The following SPATA16 variants were observed in gnomAD, a reference collection of about 807,000 sequenced individuals.
SPATA16 encodes spermatogenesis associated 16.
In SPATA16, 36 loss-of-function variants were observed where a neutral mutation model predicts 63.3. The observed-to-expected ratio is 0.57, with a 90% CI of 0.44 to 0.75. The LOEUF is 0.75. Among genes scored for constraint, SPATA16 ranks in the 30% least tolerant of loss-of-function variants. The pLI, the probability that SPATA16 is intolerant of heterozygous loss-of-function variation, is 0.00. For missense variants in SPATA16, 646 were observed against 679.3 expected (o/e 0.95, Z 0.54); for synonymous variants, 203 against 216.7 (o/e 0.94, Z 0.56).
chr3:172,889,718 A>C (rs758671731), intron 10 of SPATA16, 26 bp from the exon 11 acceptor site: 2 of 1,610,662 alleles, frequency 1.2e-6, no homozygotes, highest in African/African-American at 2.7e-5. Context: ...AGATGCAACA[A>C]GATTTGTTGT....
intron 9 of SPATA16, among the ~76,000 whole-genome samples, chr3:172,915,987 A>G (rs1387595581): frequency 6.6e-6 from 1 of 152,304 alleles, no homozygotes. Context: ...TCATATATCA[A>G]TATATCTTGG....
chr3:172,954,425 A>G (rs1425990816), intron 6 of SPATA16, among the ~76,000 whole-genome samples: 1 of 152,184 alleles, frequency 6.6e-6, no homozygotes, highest in Non-Finnish European at 1.5e-5. Flanking sequence ...ACAATTCAAG[A>G]TGAGATTTGG....
chr3:173,123,739 G>C (rs914295379), intron 1 of SPATA16, among the ~76,000 whole-genome samples: 7 of 151,700 alleles, frequency 4.6e-5, no homozygotes, highest in African/African-American at 1.7e-4. Context: ...GAGTATCTGG[G>C]ATTACAGGCG....
At chr3:173,056,705 C>CAAAAAAAAAAAAAAAAAA (rs71162325) in intron 2 of SPATA16, among the ~76,000 whole-genome samples, 6 of 73,616 alleles carry the variant, frequency 8.2e-5, no homozygotes, top group African/African-American at 3.4e-4. Context: ...ACTCTTGTTT[C>CAAAAAAAAAAAAAAAAAA]AAAAAAAAAA....
At chr3:172,919,554 A>G (rs1342902757) in intron 8 of SPATA16, among the ~76,000 whole-genome samples, 7 of 152,158 alleles carry the variant, frequency 4.6e-5, no homozygotes, top group African/African-American at 1.7e-4. Context: ...CAGGAAACGT[A>G]TTTACCGACT....
At chr3:172,966,735 C>G (rs938765974) in intron 5 of SPATA16, among the ~76,000 whole-genome samples, 3 of 152,050 alleles carry the variant, frequency 2.0e-5, no homozygotes, top group African/African-American at 7.2e-5. Flanking sequence ...AATTGGTGTG[C>G]AATACCACCA....
intron 2 of SPATA16, among the ~76,000 whole-genome samples, chr3:173,066,174 G>A (rs1736515290): frequency 6.6e-6 from 1 of 151,892 alleles, no homozygotes; most frequent in Admixed American, 6.5e-5. Flanking sequence ...CCAAATTTCA[G>A]GCATTTGGTG....
intron 4 of SPATA16, among the ~76,000 whole-genome samples, chr3:173,004,156 C>A (rs1734888425): frequency 6.6e-6 from 1 of 152,162 alleles, no homozygotes; most frequent in African/African-American, 2.4e-5. Flanking sequence ...GTGTGATGAA[C>A]TGAAGCCAGT....
At chr3:173,098,017 A>G (rs948836573) in intron 2 of SPATA16, among the ~76,000 whole-genome samples, 1 of 152,134 alleles carries the variant, frequency 6.6e-6, no homozygotes, top group African/African-American at 2.4e-5. Flanking sequence ...AGAGAGAAGA[A>G]GCCACATACT....
chr3:173,016,359 G>C (rs1255179184), intron 4 of SPATA16, among the ~76,000 whole-genome samples: 1 of 152,196 alleles, frequency 6.6e-6, no homozygotes, highest in Non-Finnish European at 1.5e-5. Flanking sequence ...CTTTTTAAAT[G>C]AGGCTGTTCT....
chr3:172,890,390 T>G (rs1470164491), intron 10 of SPATA16, among the ~76,000 whole-genome samples: 2 of 152,196 alleles, frequency 1.3e-5, no homozygotes, highest in Non-Finnish European at 2.9e-5. Context: ...TTTACACATA[T>G]GCTGAATTGA....
At chr3:172,925,845 G>A (rs1346682173) in intron 6 of SPATA16, among the ~76,000 whole-genome samples, 3 of 151,470 alleles carry the variant, frequency 2.0e-5, no homozygotes, top group African/African-American at 4.8e-5. Context: ...TTTTTTTTTA[G>A]ATGGAGTCTT....
chr3:172,890,606 C>A (rs1194258721), intron 10 of SPATA16, among the ~76,000 whole-genome samples: 1 of 151,994 alleles, frequency 6.6e-6, no homozygotes, highest in Non-Finnish European at 1.5e-5. Context: ...TTTTGAGTTC[C>A]ACTTTTAAAT....
intron 2 of SPATA16, among the ~76,000 whole-genome samples, chr3:173,111,927 C>T (rs76845172): frequency 0.02 from 2,979 of 152,270 alleles, 45 homozygotes; most frequent in Non-Finnish European, 0.032. Context: ...ATAAAGACAA[C>T]ATAGCTTTTC....
chr3:173,045,690 T>C (rs1294430708), intron 3 of SPATA16, among the ~76,000 whole-genome samples: 1 of 152,062 alleles, frequency 6.6e-6, no homozygotes, highest in Non-Finnish European at 1.5e-5. Context: ...ACATAACTTA[T>C]GTTGATTTCC....
At chr3:172,985,231 G>A (rs1452697593) in intron 4 of SPATA16, among the ~76,000 whole-genome samples, 1 of 152,160 alleles carries the variant, frequency 6.6e-6, no homozygotes, top group African/African-American at 2.4e-5. Context: ...TTTTCTGGCT[G>A]TGTCAAGAGA....
chr3:172,898,680 A>AT (rs1732060947), intron 10 of SPATA16, among the ~76,000 whole-genome samples: 2 of 145,170 alleles, frequency 1.4e-5, no homozygotes. Context: ...TGTGGCATTG[A>AT]TTTTCTTTAT....
intron 2 of SPATA16, among the ~76,000 whole-genome samples, chr3:173,082,822 G>C (rs1371873019): frequency 6.6e-6 from 1 of 152,132 alleles, no homozygotes; most frequent in Non-Finnish European, 1.5e-5. Context: ...TTGGATCTAA[G>C]GGTACTAGTG....
intron 2 of SPATA16, among the ~76,000 whole-genome samples, chr3:173,086,690 C>A (rs1737065081): frequency 6.6e-6 from 1 of 152,156 alleles, no homozygotes; most frequent in African/African-American, 2.4e-5. Flanking sequence ...ATAAATTTCC[C>A]TCTTAACACT....
Sources: allele counts gnomAD v4.1 joint callset (sites outside exome capture counted in the v4.1 genomes callset), GRCh38; gene constraint gnomAD v4.1.1; transcripts MANE v1.5; gene names NCBI Gene and HGNC (gene_info 2026-07-23, HGNC 2026-07-21).